ADAMTSL1: variants seen among roughly 807,000 people sequenced by gnomAD.
The protein encoded by ADAMTSL1 is ADAMTS like 1.
ADAMTSL1 carries 126 observed loss-of-function variants against 201.8 expected under a neutral mutation model. The observed-to-expected ratio is 0.62, with a 90% CI of 0.54 to 0.72. The LOEUF (loss-of-function observed/expected upper bound fraction) is 0.72. ADAMTSL1 is among the 30% of genes least tolerant of loss of function. The probability of loss-of-function intolerance (pLI) is 0.00; values close to 1 mark genes in which losing one functional copy is unlikely to be tolerated. For missense variants in ADAMTSL1, 2,679 were observed against 2,277.8 expected (o/e 1.18, Z -3.59); for synonymous variants, 1,121 against 903.4 (o/e 1.24, Z -4.32).
chr9:18,686,849 C>A (rs1830871576), intron 13 of ADAMTSL1, among the ~76,000 whole-genome samples: 1 of 152,156 alleles, frequency 6.6e-6, no homozygotes, highest in South Asian at 2.1e-4. Context: ...CCATCGTCAA[C>A]CATATTTTGT....
intron 2 of ADAMTSL1, among the ~76,000 whole-genome samples, chr9:18,314,782 C>CT (rs776046209): frequency 0.034 from 1,708 of 49,640 alleles, 573 homozygotes; most frequent in Non-Finnish European, 0.046. Context: ...CGGCAGCGTG[C>CT]TTTTTTTTTT....
rs1031295034 is a variant in ADAMTSL1, at chr9:18,840,250, A to C, written c.4249+10273A>C. Among the ~76,000 whole-genome samples, 184 of 152,220 alleles carry C rather than the reference A, an allele frequency of 1.2e-3. 1 individual carries two copies. The highest frequency in any genetic ancestry group is 1.9e-3 in the Non-Finnish European group (131 of 68,010). ...AAGGGATCCAGTGTCAGCTTTCTAC[A>C]TATGGCTAGCCAGTTTTCCCAGCAC... On this transcript the variant is annotated intron_variant, in intron 23 of 28. Coordinates refer to ENST00000380548, the MANE Select transcript of ADAMTSL1 (RefSeq NM_001040272.6).
chr9:18,156,388 C>G (rs1166183452), intron 1 of ADAMTSL1, among the ~76,000 whole-genome samples: 1 of 151,990 alleles, frequency 6.6e-6, no homozygotes, highest in Non-Finnish European at 1.5e-5. Flanking sequence ...GGTATCCTGA[C>G]TTCCAACTCC....
At chr9:18,536,019 C>T (rs1294209171) in intron 3 of ADAMTSL1, among the ~76,000 whole-genome samples, 2 of 152,086 alleles carry the variant, frequency 1.3e-5, no homozygotes, top group Non-Finnish European at 2.9e-5. Flanking sequence ...ATCTTTATAG[C>T]TTGTAGAATC....
At chr9:18,207,940 T>C (rs1477628909) in intron 2 of ADAMTSL1, among the ~76,000 whole-genome samples, 3 of 152,136 alleles carry the variant, frequency 2.0e-5, no homozygotes, top group Non-Finnish European at 4.4e-5. Context: ...AAGCACTGTC[T>C]TGTATGTCAG....
rs192456114 is a variant in ADAMTSL1 at position 18,762,465 on chromosome 9, C to T, written c.2218-8137C>T. On this transcript the variant is annotated intron_variant, in intron 16 of 28. Coordinates refer to ENST00000380548, the MANE Select transcript of ADAMTSL1 (RefSeq NM_001040272.6). ...AATAAGTACATCTTGAAGAATGGGGCATCCATCCCTTCAAACACTTATCCA... is the reference window on the plus strand; with the variant it reads ...AATAAGTACATCTTGAAGAATGGGGTATCCATCCCTTCAAACACTTATCCA... 8.3e-4 allele frequency among the ~76,000 whole-genome samples: 126 copies of T among 152,140 alleles called. 1 individual carries two copies. Among genetic ancestry groups the T allele is most frequent in the African/African-American group, 3.0e-3 (124 of 41,514 alleles).
intron 1 of ADAMTSL1, among the ~76,000 whole-genome samples, chr9:18,080,139 C>T (rs968338956): frequency 6.6e-6 from 1 of 152,170 alleles, no homozygotes; most frequent in Admixed American, 6.5e-5. Context: ...TGATGGATAG[C>T]TCATATTCTG....
chr9:18,805,636 A>G (rs370090154), intron 20 of ADAMTSL1, among the ~76,000 whole-genome samples: 3 of 152,306 alleles, frequency 2.0e-5, no homozygotes, highest in East Asian at 3.9e-4. Flanking sequence ...CTATGCAGAG[A>G]TGAGCTCGGG....
chr9:18,006,585 G>A (rs543615423), intron 1 of ADAMTSL1, among the ~76,000 whole-genome samples: 1 of 151,968 alleles, frequency 6.6e-6, no homozygotes. Context: ...AACCAAGTTA[G>A]TTACGCATGT....
intron 23 of ADAMTSL1, among the ~76,000 whole-genome samples, chr9:18,858,426 C>T (rs534731723): frequency 6.6e-6 from 1 of 152,328 alleles, no homozygotes; most frequent in East Asian, 1.9e-4. Context: ...TACCACGGCT[C>T]CCTGTCTCCC....
At chr9:18,524,085 T>A (rs1204567566) in intron 2 of ADAMTSL1, among the ~76,000 whole-genome samples, 1 of 151,238 alleles carries the variant, frequency 6.6e-6, no homozygotes, top group Non-Finnish European at 1.5e-5. Flanking sequence ...CATGGAATGT[T>A]CTTCCATTTG....
intron 20 of ADAMTSL1, among the ~76,000 whole-genome samples, chr9:18,814,173 C>G (rs1166704041): frequency 6.6e-6 from 1 of 152,162 alleles, no homozygotes; most frequent in Non-Finnish European, 1.5e-5. Flanking sequence ...TCATTCTGTT[C>G]ATGTGATATA....
At chr9:18,014,586 G>C (rs1374876962) in intron 1 of ADAMTSL1, among the ~76,000 whole-genome samples, 1 of 152,092 alleles carries the variant, frequency 6.6e-6, no homozygotes, top group Non-Finnish European at 1.5e-5. Flanking sequence ...ATGTGTGAAA[G>C]ACTCAAAAGA....
rs763882631 is a variant in ADAMTSL1 at position 18,680,437 on chromosome 9, T to C, written c.1262T>C (p.Met421Thr). 20 of 1,614,036 alleles carry C rather than the reference T, an allele frequency of 1.2e-5. No homozygotes were observed. The highest frequency in any genetic ancestry group is 2.2e-5 in the East Asian group (1 of 44,890). Reference sequence around the variant, plus strand: ...ACTTCAGTGGAAGAGTGGAAATGCATGTACACCCCTAAGATGCCCATCGCG... The same window carrying C: ...ACTTCAGTGGAAGAGTGGAAATGCACGTACACCCCTAAGATGCCCATCGCG... ...HVTSVEEWKC[M>T]YTPKMPIAQP... Residue 421 changes from methionine (M) to threonine (T), a missense_variant, in exon 11 of 29, where the codon ATG (methionine) becomes ACG (threonine). Physicochemically the swap from Met to Thr is moderately conservative, Grantham distance 81 (BLOSUM62 -1). Coordinates refer to ENST00000380548, the MANE Select transcript of ADAMTSL1 (RefSeq NM_001040272.6).
rs1818669602 is a variant in ADAMTSL1, at chr9:18,738,962, G to A, written c.2007-14336G>A. ...CCTGTACAAGCTAGAGGCTAGCAGGGAAAAACACAATTAAGAACTCTGGAG... is the reference window on the plus strand; with the variant it reads ...CCTGTACAAGCTAGAGGCTAGCAGGAAAAAACACAATTAAGAACTCTGGAG... On this transcript the variant is annotated intron_variant, in intron 15 of 28. Transcript: ENST00000380548. Among the ~76,000 whole-genome samples, 3 of 152,114 alleles carry A rather than the reference G, an allele frequency of 2.0e-5. No homozygotes were observed. The South Asian group carries it at 6.2e-4, about 32-fold the overall frequency.
chr9:18,090,883 G>T (rs1006709513), intron 1 of ADAMTSL1, among the ~76,000 whole-genome samples: 1 of 151,860 alleles, frequency 6.6e-6, no homozygotes, highest in Non-Finnish European at 1.5e-5. Context: ...TTTTCTGGTG[G>T]TTTTCTTGTT....
At chr9:18,381,573 T>C (rs1222032259) in intron 2 of ADAMTSL1, among the ~76,000 whole-genome samples, 1 of 152,122 alleles carries the variant, frequency 6.6e-6, no homozygotes, top group Non-Finnish European at 1.5e-5. Context: ...GAGATTGGGT[T>C]AATAGAACAG....
chr9:18,264,845 T>A (rs925674570), intron 2 of ADAMTSL1, among the ~76,000 whole-genome samples: 3 of 152,222 alleles, frequency 2.0e-5, no homozygotes, highest in Non-Finnish European at 4.4e-5. Context: ...CTGCATAGAC[T>A]TAAGTTCTGG....
chr9:18,203,149 T>A (rs1397389453), intron 2 of ADAMTSL1, among the ~76,000 whole-genome samples: 1 of 152,126 alleles, frequency 6.6e-6, no homozygotes, highest in East Asian at 1.9e-4. Context: ...GCTCTGTTTA[T>A]ACAAAGAGGA....
Sources: allele counts gnomAD v4.1 joint callset (sites outside exome capture counted in the v4.1 genomes callset), GRCh38; gene constraint gnomAD v4.1.1; transcripts MANE v1.5; gene names NCBI Gene and HGNC (gene_info 2026-07-23, HGNC 2026-07-21).